Variants in ATP8A2 observed in about 807,000 individuals in gnomAD.
The protein encoded by ATP8A2 is ATPase phospholipid transporting 8A2.
Under a neutral mutation model 165.6 loss-of-function variants are expected in ATP8A2, and 100 were observed. That is an observed-to-expected ratio of 0.60 (90% CI 0.51 to 0.71). The LOEUF (loss-of-function observed/expected upper bound fraction) is 0.71, where lower values mean the gene tolerates loss of function less well. ATP8A2 is among the 30% of genes least tolerant of loss of function. ATP8A2 has a pLI of 0.00. For missense variants in ATP8A2, 1,227 were observed against 1,479.5 expected (o/e 0.83, Z 2.80); for synonymous variants, 543 against 548.8 (o/e 0.99, Z 0.15).
chr13:25,895,885 T>A (rs1450218599), intron 33 of ATP8A2, among the ~76,000 whole-genome samples: 11 of 152,122 alleles, frequency 7.2e-5, no homozygotes, highest in Non-Finnish European at 1.0e-4. Context: ...TGATATCCCC[T>A]TTGTCATTTT....
chr13:25,728,711 A>G (rs923262296), intron 25 of ATP8A2, among the ~76,000 whole-genome samples: 2 of 150,764 alleles, frequency 1.3e-5, no homozygotes, highest in African/African-American at 4.9e-5. Context: ...GTCCCAGGTC[A>G]CAGGGCTGTC....
intron 25 of ATP8A2, among the ~76,000 whole-genome samples, chr13:25,762,472 A>G (rs372806467): frequency 1.3e-5 from 2 of 152,264 alleles, no homozygotes; most frequent in African/African-American, 4.8e-5. Context: ...AGAGGTGGCC[A>G]GTCATTTATG....
chr13:25,748,188 A>T (rs940123499), intron 25 of ATP8A2, among the ~76,000 whole-genome samples: 3 of 152,246 alleles, frequency 2.0e-5, no homozygotes, highest in Admixed American at 2.0e-4. Flanking sequence ...TAAATTAAGA[A>T]CAATTTCACT....
At chr13:25,555,714 T>C (rs2038960838) in intron 13 of ATP8A2, among the ~76,000 whole-genome samples, 1 of 152,130 alleles carries the variant, frequency 6.6e-6, no homozygotes, top group Non-Finnish European at 1.5e-5. Flanking sequence ...GTTTGGAATA[T>C]GAATGATCCC....
chr13:25,493,566 C>G (rs1312623278), intron 2 of ATP8A2, among the ~76,000 whole-genome samples: 2 of 152,160 alleles, frequency 1.3e-5, no homozygotes, highest in Non-Finnish European at 2.9e-5. Flanking sequence ...GTGAAGACAT[C>G]AGTTGTCATC....
At chr13:25,542,266 A>C (rs1465649502) in intron 9 of ATP8A2, among the ~76,000 whole-genome samples, 1 of 152,046 alleles carries the variant, frequency 6.6e-6, no homozygotes, top group Non-Finnish European at 1.5e-5. Flanking sequence ...TTCTGTGCCT[A>C]CTCTCTGCCA....
At chr13:25,785,206 C>G (rs985465988) in intron 27 of ATP8A2, among the ~76,000 whole-genome samples, 4 of 151,552 alleles carry the variant, frequency 2.6e-5, no homozygotes, top group African/African-American at 9.7e-5. Context: ...CAAGACCAGC[C>G]TGGCCAACAT....
chr13:25,391,721 A>T (rs1253389612), intron 1 of ATP8A2, among the ~76,000 whole-genome samples: 2 of 152,322 alleles, frequency 1.3e-5, no homozygotes, highest in South Asian at 4.1e-4. Context: ...AAAAGAAAGA[A>T]ACTTACATGT....
intron 2 of ATP8A2, among the ~76,000 whole-genome samples, chr13:25,477,469 A>G (rs1370753610): frequency 6.6e-5 from 10 of 152,244 alleles, no homozygotes; most frequent in Non-Finnish European, 1.3e-4. Flanking sequence ...CAGAAAAGAC[A>G]TTGGTGGAAA....
intron 33 of ATP8A2, among the ~76,000 whole-genome samples, chr13:25,887,818 CAGTTTGTTTGTGTTTTTTTTT>C (rs1287296900): frequency 3.9e-5 from 6 of 152,202 alleles, no homozygotes; most frequent in East Asian, 1.9e-4. Context: ...TGAGGATTCC[CAGTTTGTTTGTGTTTTTTTTT>C]AGTTTGATTC....
chr13:25,382,849 G>A (rs575837437), intron 1 of ATP8A2, among the ~76,000 whole-genome samples: 18 of 151,530 alleles, frequency 1.2e-4, no homozygotes, highest in South Asian at 4.2e-4. Context: ...TCCGCCTCCC[G>A]GGTTCACGCC....
intron 33 of ATP8A2, among the ~76,000 whole-genome samples, chr13:25,902,296 T>C (rs1028884883): frequency 5.9e-5 from 9 of 152,188 alleles, no homozygotes; most frequent in African/African-American, 1.9e-4. Context: ...ACTCTTACAG[T>C]GAAGCTTCAA....
chr13:25,619,018 T>C (rs1210100861), intron 24 of ATP8A2, among the ~76,000 whole-genome samples: 1 of 152,108 alleles, frequency 6.6e-6, no homozygotes, highest in African/African-American at 2.4e-5. Flanking sequence ...CTAAGTAAGA[T>C]TGTTGAATAA....
At chr13:25,989,077 T>C (rs1482845372) in intron 35 of ATP8A2, among the ~76,000 whole-genome samples, 2 of 152,230 alleles carry the variant, frequency 1.3e-5, no homozygotes, top group Non-Finnish European at 2.9e-5. Context: ...TTAATTAGTG[T>C]TTAGGAGGTT....
At chr13:25,906,906 G>A (rs767491265) in intron 33 of ATP8A2, among the ~76,000 whole-genome samples, 8 of 152,176 alleles carry the variant, frequency 5.3e-5, no homozygotes, top group African/African-American at 1.7e-4. Flanking sequence ...AAAGACTCAC[G>A]AAACTGTTTA....
intron 33 of ATP8A2, among the ~76,000 whole-genome samples, chr13:25,906,199 C>G (rs1188488268): frequency 6.6e-6 from 1 of 151,962 alleles, no homozygotes; most frequent in African/African-American, 2.4e-5. Flanking sequence ...GTATTCCTCC[C>G]CCTTTATTTG....
intron 33 of ATP8A2, among the ~76,000 whole-genome samples, chr13:25,875,620 G>A (rs1270585538): frequency 6.6e-6 from 1 of 151,880 alleles, no homozygotes; most frequent in Non-Finnish European, 1.5e-5. Flanking sequence ...TAAGAGAAGT[G>A]TGTGCAAAAA....
Position 25,543,310 on chromosome 13 carries a change from G to T in ATP8A2, c.799G>T (p.Asp267Tyr). The change falls in exon 10 of 37, where the codon GAC becomes TAC. Residue 267 changes from aspartate (D) to tyrosine (Y), a missense_variant. Physicochemically the swap from Asp to Tyr is radical, Grantham distance 160. Coordinates refer to ENST00000381655, the MANE Select transcript of ATP8A2 (RefSeq NM_016529.6). ...DGKSLVALGP[D>Y]QILLRGTQLR... is the part of the protein sequence containing the mutation. ...TTTTAGCCTTGTTGCCCTTGGGCCT[G>T]ACCAGATCTTATTAAGAGGTACACA... 2 of 1,610,586 alleles carry T rather than the reference G, an allele frequency of 1.2e-6. No homozygotes were observed. The highest frequency in any genetic ancestry group is 1.1e-5 in the South Asian group (1 of 90,718).
At chr13:25,555,541 TA>T (rs1423466190) in intron 13 of ATP8A2, among the ~76,000 whole-genome samples, 2 of 152,228 alleles carry the variant, frequency 1.3e-5, no homozygotes, top group Non-Finnish European at 2.9e-5. Flanking sequence ...TTGCCTTTAC[TA>T]AGTTGGGCTT....
Sources: gnomAD v4.1 joint callset for allele counts (sites outside exome capture counted in the v4.1 genomes callset) on GRCh38, gnomAD v4.1.1 for gene constraint, MANE v1.5 for transcripts, NCBI Gene and HGNC (gene_info 2026-07-23, HGNC 2026-07-21) for gene names.